The following CDYL2 variants were observed in gnomAD, a reference collection of about 807,000 sequenced individuals.
The protein encoded by CDYL2 is chromodomain Y-like protein 2.
A neutral mutation model predicts 49.4 loss-of-function variants in CDYL2; 23 were observed. That is an observed-to-expected ratio of 0.47 (90% CI 0.34 to 0.66). The LOEUF (loss-of-function observed/expected upper bound fraction) is 0.66, where lower values mean the gene tolerates loss of function less well. Ranked by LOEUF, CDYL2 falls within the 30% of genes least tolerant of loss-of-function variation. The pLI is 0.01. For synonymous variants in CDYL2, 360 were observed against 268.8 expected, an observed-to-expected ratio of 1.34 and a Z score of -3.32; for missense variants, 678 against 656.4, an observed-to-expected ratio of 1.03 and a Z score of -0.36.
intron 1 of CDYL2, chr16:80,742,030 A>T (rs992643302): frequency 3.9e-5 from 6 of 152,250 alleles, no homozygotes; most frequent in African/African-American, 1.2e-4. Context: ...CTATGCTTCA[A>T]ATGGATTGTG....
intron 4 of CDYL2, among the ~76,000 whole-genome samples, chr16:80,613,715 T>C (rs1339953330): frequency 6.6e-6 from 1 of 152,230 alleles, no homozygotes; most frequent in East Asian, 1.9e-4. Context: ...TCCTAGTTGC[T>C]ATGTATGATC....
At chr16:80,702,183 AACACAC>A (rs35071485) in intron 1 of CDYL2, among the ~76,000 whole-genome samples, 32 of 142,866 alleles carry the variant, frequency 2.2e-4, no homozygotes, top group Middle Eastern at 3.6e-3. Flanking sequence ...GAAGGCCTAA[AACACAC>A]ACACACACAC....
chr16:80,723,044 G>C (rs994468685), intron 1 of CDYL2, among the ~76,000 whole-genome samples: 2 of 152,228 alleles, frequency 1.3e-5, no homozygotes, highest in Non-Finnish European at 2.9e-5. Flanking sequence ...TGAAGCCTCT[G>C]AACTGCCACA....
chr16:80,739,722 T>C (rs776496329), intron 1 of CDYL2, among the ~76,000 whole-genome samples: 4 of 151,740 alleles, frequency 2.6e-5, no homozygotes, highest in Non-Finnish European at 5.9e-5. Flanking sequence ...GTGTGGGAGG[T>C]GGGAGCCAGA....
chr16:80,710,651 CAAT>C (rs1026323220), intron 1 of CDYL2, among the ~76,000 whole-genome samples: 1 of 152,016 alleles, frequency 6.6e-6, no homozygotes, highest in Non-Finnish European at 1.5e-5. Flanking sequence ...ACACAGAGGA[CAAT>C]AATGATTTTA....
rs796320939 is a variant in CDYL2 at position 80,765,153 on chromosome 16, T to C, written c.24+38997A>G. ...ACTATATAATATATAGTACTATATG[T>C]TATACAATATATATAATATATTATA... On this transcript the variant is annotated intron_variant, in intron 1 of 6. Coordinates refer to ENST00000570137, the MANE Select transcript of CDYL2 (RefSeq NM_152342.4). 3.4e-5 allele frequency among the ~76,000 whole-genome samples: 5 copies of C among 145,340 alleles called. No individual in the cohort carries two copies. The South Asian group carries it at 1.1e-3, about 31-fold the overall frequency.
intron 1 of CDYL2, among the ~76,000 whole-genome samples, chr16:80,741,684 A>T (rs1408114442): frequency 6.6e-6 from 1 of 152,242 alleles, no homozygotes; most frequent in East Asian, 1.9e-4. Context: ...TCACCAGTAA[A>T]CAAATAAAAG....
At position 80,761,828 on chromosome 16, in the gene CDYL2, A is replaced by C. The variant is rs115153412; in HGVS notation, c.24+42322T>G. Among the ~76,000 whole-genome samples, 665 of 152,110 alleles carry C rather than the reference A, an allele frequency of 4.4e-3. 7 individuals carry two copies. The highest frequency in any genetic ancestry group is 0.015 in the African/African-American group (627 of 41,508). ...TGGATATTTGAAAGTTACTTATTAA[A>C]TATAATGCACATAAAATAACATGTG... On this transcript the variant is annotated intron_variant, in intron 1 of 6. Transcript: ENST00000570137.
intron 2 of CDYL2, among the ~76,000 whole-genome samples, chr16:80,677,406 G>A (rs1416440696): frequency 3.9e-5 from 6 of 152,228 alleles, no homozygotes; most frequent in South Asian, 4.1e-4. Context: ...TAGTCACAGC[G>A]TTTCAGGCTC....
chr16:80,641,122 G>A (rs994041513), intron 2 of CDYL2, among the ~76,000 whole-genome samples: 1 of 152,068 alleles, frequency 6.6e-6, no homozygotes, highest in African/African-American at 2.4e-5. Flanking sequence ...AGACAAAGCA[G>A]ATTTAACCCA....
rs1207614302 is a variant in CDYL2, at chr16:80,599,537, A to G, written c.*4851T>C. ...TTGTCCTGCTAAACTCCAGTTTAGT[A>G]TGGCTTGATACACATAGTTCATTGA... On this transcript the variant is annotated 3_prime_UTR_variant, in exon 7 of 7. Transcript: ENST00000570137. 6.6e-6 allele frequency: 1 copy of G among 152,192 alleles called. No individual in the cohort carries two copies. Among genetic ancestry groups the G allele is most frequent in the Admixed American group, 6.5e-5 (1 of 15,290 alleles). The allele number at this position is 152,192 out of a possible 1,614,324, so 9.4% of individuals were successfully genotyped here. A position where few individuals can be genotyped will look rare whatever the true frequency, so the allele number is the denominator to read the frequency against.
chr16:80,798,039 GTT>G (rs969136119), intron 1 of CDYL2, among the ~76,000 whole-genome samples: 1 of 151,982 alleles, frequency 6.6e-6, no homozygotes, highest in Non-Finnish European at 1.5e-5. Flanking sequence ...TTGTTTGTTT[GTT>G]TTTTGTTTTT....
intron 1 of CDYL2, among the ~76,000 whole-genome samples, chr16:80,771,137 T>C (rs2142394392): frequency 6.6e-6 from 1 of 152,382 alleles, no homozygotes; most frequent in East Asian, 1.9e-4. Context: ...TGATCCTATA[T>C]TTCTCCACTG....
intron 1 of CDYL2, among the ~76,000 whole-genome samples, chr16:80,769,712 C>A (rs142487642): frequency 1.3e-5 from 2 of 152,282 alleles, no homozygotes; most frequent in East Asian, 3.9e-4. Flanking sequence ...ACTCCCAACA[C>A]TGGGCAAATA....
At chr16:80,658,687 C>T (rs1016442627) in intron 2 of CDYL2, among the ~76,000 whole-genome samples, 4 of 152,104 alleles carry the variant, frequency 2.6e-5, no homozygotes, top group Non-Finnish European at 4.4e-5. Flanking sequence ...TACATATTTC[C>T]TAGCTCTGTC....
chr16:80,616,647 C>T (rs1458887347), intron 4 of CDYL2, among the ~76,000 whole-genome samples: 1 of 152,148 alleles, frequency 6.6e-6, no homozygotes, highest in Non-Finnish European at 1.5e-5. Context: ...AGGTCCCTGG[C>T]AGGCCACTCC....
At position 80,685,071 on chromosome 16, in the gene CDYL2, C is replaced by T. The variant is rs1197668928; in HGVS notation, c.83G>A (p.Arg28Gln). 5 of 1,614,012 alleles carry T rather than the reference C, an allele frequency of 3.1e-6. No individual in the cohort carries two copies. The highest frequency in any genetic ancestry group is 1.3e-5 in the African/African-American group (1 of 74,922). Residue 28 changes from arginine to glutamine, a missense_variant, in exon 2 of 7, where the codon CGA (arginine) becomes CAA (glutamine). Transcript: ENST00000570137. ...CTCGGTGCTCCCGTAGCCTTTCCAT[C>T]GGATAAGATACTCCCATTTTCCTTT... ...NKKGKWEYLI[R>Q]WKGYGSTEDT...
chr16:80,657,911 T>C (rs1252351063), intron 2 of CDYL2, among the ~76,000 whole-genome samples: 2 of 152,146 alleles, frequency 1.3e-5, no homozygotes, highest in South Asian at 2.1e-4. Flanking sequence ...TGTGCAAGCA[T>C]AGACTGGTGA....
rs144064326 is a variant in CDYL2, at chr16:80,688,680, A to G, written c.25-3551T>C. 1.8e-4 allele frequency among the ~76,000 whole-genome samples: 27 copies of G among 152,328 alleles called. No individual in the cohort carries two copies. The East Asian group carries it at 5.0e-3, about 28-fold the overall frequency. On this transcript the variant is annotated intron_variant, in intron 1 of 6. Coordinates refer to ENST00000570137, the MANE Select transcript of CDYL2 (RefSeq NM_152342.4). ...CATACTTTGATCTCCGGCATCTCTC[A>G]GGACCTAATCTTCTATACATCTTTG...
Sources: allele counts gnomAD v4.1 joint callset (sites outside exome capture counted in the v4.1 genomes callset), GRCh38; gene constraint gnomAD v4.1.1; transcripts MANE v1.5; gene names NCBI Gene and HGNC (gene_info 2026-07-23, HGNC 2026-07-21).